Variants in SLC17A1 observed in about 807,000 individuals in gnomAD.
SLC17A1 encodes the protein sodium-dependent phosphate transport protein 1.
In SLC17A1, 51 loss-of-function variants were observed where a neutral mutation model predicts 53.5. That is an observed-to-expected ratio of 0.95 (90% CI 0.76 to 1.20). SLC17A1 has a LOEUF of 1.20. Ranked by LOEUF, SLC17A1 falls within the 50% of genes most tolerant of loss-of-function variation. The pLI is 0.00. For synonymous variants in SLC17A1, 179 were observed against 198.8 expected (o/e 0.90, Z 0.84); for missense variants, 538 against 568.2 (o/e 0.95, Z 0.54).
intron 12 of SLC17A1, among the ~76,000 whole-genome samples, chr6:25,792,358 T>A (rs1235347406): frequency 6.6e-6 from 1 of 152,242 alleles, no homozygotes; most frequent in Non-Finnish European, 1.5e-5. Flanking sequence ...CTTCACACGG[T>A]GGCTCACGCC....
the SLC17A1 span, chr6:25,776,667 T>A: frequency 2.8e-5 from 45 of 1,613,822 alleles, no homozygotes; most frequent in African/African-American, 5.1e-4. Flanking sequence ...ACTGGCAGAC[T>A]TTCTTCTCTC....
the SLC17A1 span, among the ~76,000 whole-genome samples, chr6:25,755,233 A>G: frequency 6.6e-6 from 1 of 152,218 alleles, no homozygotes; most frequent in Non-Finnish European, 1.5e-5. Flanking sequence ...GATTTTCATC[A>G]TGCCTAAAAA....
intron 6 of SLC17A1, among the ~76,000 whole-genome samples, chr6:25,818,685 T>G (rs946306002): frequency 1.3e-5 from 2 of 152,212 alleles, no homozygotes; most frequent in African/African-American, 4.8e-5. Flanking sequence ...TTTTTTACTG[T>G]AGAAATTAAT....
intron 10 of SLC17A1, among the ~76,000 whole-genome samples, chr6:25,805,086 T>C (rs1180963349): frequency 6.6e-6 from 1 of 152,114 alleles, no homozygotes; most frequent in Non-Finnish European, 1.5e-5. Context: ...TATACGGTCC[T>C]CTTATCAGCA....
chr6:25,767,172 C>G, the SLC17A1 span, among the ~76,000 whole-genome samples: 1 of 152,054 alleles, frequency 6.6e-6, no homozygotes, highest in Admixed American at 6.6e-5. Flanking sequence ...AAGCTTATAA[C>G]TTTTAAAAAA....
chr6:25,799,557 C>T (rs951926257), intron 11 of SLC17A1, among the ~76,000 whole-genome samples: 2 of 152,088 alleles, frequency 1.3e-5, no homozygotes, highest in African/African-American at 4.8e-5. Context: ...AATTGACTTC[C>T]CAGGCTTGAC....
In SLC17A1 at chr6:25,794,211, C is replaced by A. The variant is rs73733816; in HGVS notation, c.*2+4572G>T. 5.9e-3 allele frequency among the ~76,000 whole-genome samples: 902 copies of A among 152,288 alleles called. 8 individuals carry two copies. The highest frequency in any genetic ancestry group is 0.034 in the Middle Eastern group (10 of 294). ...GAACTTTCTCTATAAACAGTGAACT[C>A]TCCTTTTGCTCTTTAGACTGCACCT... On this transcript the variant is annotated intron_variant, in intron 12 of 12. Transcript: ENST00000244527.
At chr6:25,726,031 G>A in the SLC17A1 span, 6 of 1,096,324 alleles carry the variant, frequency 5.5e-6, no homozygotes, top group African/African-American at 1.5e-5. Flanking sequence ...CAGCAGTAAC[G>A]TTTTGTAACG....
At chr6:25,765,438 C>A in the SLC17A1 span, among the ~76,000 whole-genome samples, 2 of 152,240 alleles carry the variant, frequency 1.3e-5, no homozygotes, top group Non-Finnish European at 2.9e-5. Context: ...AAAGAGGTAG[C>A]AGCTGGATTT....
At chr6:25,776,148 CA>C in the SLC17A1 span, among the ~76,000 whole-genome samples, 13 of 150,030 alleles carry the variant, frequency 8.7e-5, no homozygotes, top group African/African-American at 2.2e-4. Context: ...CAGAGCATGC[CA>C]AAAAAAAATG....
At chr6:25,726,555 A>C in the SLC17A1 span, 1 of 1,588,684 alleles carries the variant, frequency 6.3e-7, no homozygotes, top group South Asian at 1.1e-5. Flanking sequence ...CAGCAACACG[A>C]GAACCACATT....
chr6:25,813,555 G>A (rs1764235279), intron 6 of SLC17A1, among the ~76,000 whole-genome samples: 1 of 152,104 alleles, frequency 6.6e-6, no homozygotes, highest in African/African-American at 2.4e-5. Flanking sequence ...CTTGACAATT[G>A]CCCAGTTGTT....
At chr6:25,831,714 A>G (rs891586519) in intron 1 of SLC17A1, among the ~76,000 whole-genome samples, 2 of 152,188 alleles carry the variant, frequency 1.3e-5, no homozygotes, top group Admixed American at 1.3e-4. Flanking sequence ...TGTGCCACAC[A>G]CATTACAGAC....
chr6:25,740,882 C>T, the SLC17A1 span, among the ~76,000 whole-genome samples: 42,234 of 152,000 alleles, frequency 0.28, 6,255 homozygotes, highest in African/African-American at 0.36. Flanking sequence ...GCAACGTGGG[C>T]GAACCTGGAG....
intron 2 of SLC17A1, among the ~76,000 whole-genome samples, chr6:25,829,040 A>T (rs1005505553): frequency 5.3e-5 from 8 of 152,116 alleles, no homozygotes; most frequent in Non-Finnish European, 1.0e-4. Context: ...CCATTTTTTT[A>T]AAAGCATGGG....
downstream of SLC17A1, chr6:25,780,951 T>C (rs959357476): frequency 6.6e-6 from 1 of 152,190 alleles, no homozygotes; most frequent in Admixed American, 6.6e-5. Context: ...ATAGCAATTA[T>C]ATCCAAGTGT....
the SLC17A1 span, chr6:25,770,026 C>A: frequency 6.3e-7 from 1 of 1,581,774 alleles, no homozygotes; most frequent in South Asian, 1.1e-5. Context: ...AACTGTCAAT[C>A]CTTCAACTAA....
chr6:25,782,716 C>A (rs1301912850), downstream of SLC17A1, among the ~76,000 whole-genome samples: 1 of 152,136 alleles, frequency 6.6e-6, no homozygotes, highest in East Asian at 1.9e-4. Flanking sequence ...TCTTATCTGT[C>A]ACTTTTAGTT....
At chr6:25,767,564 T>C in the SLC17A1 span, among the ~76,000 whole-genome samples, 1 of 152,164 alleles carries the variant, frequency 6.6e-6, no homozygotes, top group East Asian at 1.9e-4. Context: ...AGGATTAAAA[T>C]ACATTTTATA....
Sources: allele counts gnomAD v4.1 joint callset (sites outside exome capture counted in the v4.1 genomes callset), GRCh38; gene constraint gnomAD v4.1.1; transcripts MANE v1.5; gene names NCBI Gene and HGNC (gene_info 2026-07-23, HGNC 2026-07-21).